Variants in DEPDC5 observed in about 807,000 individuals in gnomAD.
DEPDC5 encodes the protein DEP domain containing 5, GATOR1 subcomplex subunit, also known as GATOR1 complex protein DEPDC5.
In DEPDC5, 73 loss-of-function variants were observed where a neutral mutation model predicts 217.3. The ratio of observed to expected loss-of-function variants is 0.34; its 90% CI spans 0.28 to 0.41. The LOEUF is 0.41. Among genes scored for constraint, DEPDC5 ranks in the 10% least tolerant of loss-of-function variants. The probability of loss-of-function intolerance (pLI) is 1.00; values close to 1 mark genes in which losing one functional copy is unlikely to be tolerated. For missense variants in DEPDC5, 1,675 were observed against 2,070.1 expected (o/e 0.81, Z 3.70); for synonymous variants, 733 against 756.7 (o/e 0.97, Z 0.51).
intron 40 of DEPDC5, among the ~76,000 whole-genome samples, chr22:31,899,882 CCAGCCCTCCA>C (rs754424989): frequency 2.6e-5 from 4 of 152,120 alleles, no homozygotes; most frequent in African/African-American, 9.7e-5. Flanking sequence ...ACAGCCTTCC[CCAGCCCTCCA>C]CAGCCCTCCA....
intron 7 of DEPDC5, 82 bp downstream of exon 7, chr22:31,768,945 TA>T: frequency 6.6e-7 from 1 of 1,516,260 alleles, no homozygotes; most frequent in Non-Finnish European, 9.1e-7. Context: ...GTCCATATAA[TA>T]AAATGTGTAA....
chr22:31,791,216 T>C (rs1427180558), intron 10 of DEPDC5, among the ~76,000 whole-genome samples: 4 of 152,144 alleles, frequency 2.6e-5, no homozygotes, highest in Non-Finnish European at 4.4e-5. Flanking sequence ...TAAAGTCACA[T>C]AGTGGCAAGT....
rs561217900 is a variant in DEPDC5 at position 31,824,184 on chromosome 22, A to G, written c.2104+1394A>G. On this transcript the variant is annotated intron_variant, in intron 24 of 42. Transcript: ENST00000651528. ...AACGTGGTGAAACCCCATCTCTACT[A>G]AAAATACAAAAATTAGCCAGGTGTG... is the stretch of plus-strand genomic sequence containing the variant. Among the ~76,000 whole-genome samples, 3 of 152,190 alleles carry G rather than the reference A, an allele frequency of 2.0e-5. No individual in the cohort carries two copies. In the South Asian group the frequency reaches 6.2e-4, roughly 32 times the overall value.
chr22:31,868,331 C>G (rs142946018), intron 33 of DEPDC5, among the ~76,000 whole-genome samples: 2 of 152,254 alleles, frequency 1.3e-5, no homozygotes, highest in Admixed American at 1.3e-4. Context: ...TTCTGAACAT[C>G]CAGCAATGCA....
chr22:31,890,475 C>G (rs1455736923), intron 38 of DEPDC5: 2 of 151,952 alleles, frequency 1.3e-5, no homozygotes, highest in South Asian at 4.2e-4. Context: ...CTTCGGGGGC[C>G]GAGGTGGGCA....
intron 10 of DEPDC5, among the ~76,000 whole-genome samples, chr22:31,787,244 A>G (rs1291766906): frequency 3.3e-5 from 5 of 151,300 alleles, no homozygotes; most frequent in African/African-American, 1.2e-4. Context: ...TACCACACCT[A>G]GCTAATTTTT....
chr22:31,819,273 C>A, intron 22 of DEPDC5, 48 bp downstream of exon 22: 1 of 1,602,558 alleles, frequency 6.2e-7, no homozygotes, highest in Non-Finnish European at 8.5e-7. Flanking sequence ...GCTCCTAGCC[C>A]TGGTCCTCAG....
rs73162152 is a variant in DEPDC5, at chr22:31,796,628, T to C, written c.768-972T>C. On this transcript the variant is annotated intron_variant, in intron 12 of 42. Transcript: ENST00000651528. ...GCTTTCTATTTGTACAGCCAGTGTA[T>C]GCTCCAAAACCATTAAAGTAGAAGA... 6.1e-3 allele frequency among the ~76,000 whole-genome samples: 930 copies of C among 152,284 alleles called. 2 individuals carry two copies. The highest frequency in any genetic ancestry group is 9.9e-3 in the Non-Finnish European group (675 of 68,018).
chr22:31,878,587 C>G (rs2149285312), intron 37 of DEPDC5, among the ~76,000 whole-genome samples: 1 of 151,432 alleles, frequency 6.6e-6, no homozygotes, highest in East Asian at 1.9e-4. Context: ...GTTGTACATG[C>G]TGGTCTTCAC....
intron 21 of DEPDC5, 83 bp from the exon 22 acceptor site, chr22:31,818,939 C>G: frequency 7.1e-7 from 1 of 1,415,906 alleles, no homozygotes; most frequent in South Asian, 1.2e-5. Context: ...TCTTGTCAGC[C>G]TTGGTTTATC....
chr22:31,860,231 A>G (rs563700005), intron 32 of DEPDC5, among the ~76,000 whole-genome samples: 11 of 152,246 alleles, frequency 7.2e-5, no homozygotes, highest in Non-Finnish European at 2.9e-5. Flanking sequence ...GAAATGCCCA[A>G]CTGTTTCCCC....
At chr22:31,779,850 A>G (rs2084248514) in intron 8 of DEPDC5, among the ~76,000 whole-genome samples, 1 of 152,162 alleles carries the variant, frequency 6.6e-6, no homozygotes, top group Admixed American at 6.6e-5. Context: ...GAGCTGATAT[A>G]ATCACCTCCA....
rs1179323916 is a variant in DEPDC5, at chr22:31,897,652, T to C, written c.4374T>C (p.Asp1458=). The C allele has an allele frequency of 1.2e-6, 2 of 1,613,764 alleles. No individual in the cohort carries two copies. The highest frequency in any genetic ancestry group is 8.5e-7 in the Non-Finnish European group (1 of 1,179,922). ...LLKEGSEHLF[D]SFEPETYWDR... ...AGGAGGGCAGCGAGCACCTGTTTGA[T>C]AGTAAGAAATATTCCCTTCTGGAGG... Residue 1458 remains aspartate (D), a splice_region_variant and synonymous_variant, in exon 40 of 43, where the codon GAT becomes GAC. Transcript: ENST00000651528.
chr22:31,859,383 G>T (rs1181477563), intron 32 of DEPDC5, among the ~76,000 whole-genome samples: 1 of 143,790 alleles, frequency 7.0e-6, no homozygotes, highest in African/African-American at 2.6e-5. Flanking sequence ...GAGCCACTGC[G>T]CCCGGCTTTT....
chr22:31,826,773 A>G (rs137960726), intron 24 of DEPDC5, among the ~76,000 whole-genome samples: 237 of 152,252 alleles, frequency 1.6e-3, no homozygotes, highest in East Asian at 3.7e-3. Context: ...TCTCCACTCA[A>G]TGTTTAACAC....
intron 33 of DEPDC5, among the ~76,000 whole-genome samples, chr22:31,863,976 A>G (rs187029738): frequency 7.0e-4 from 107 of 152,294 alleles, no homozygotes; most frequent in African/African-American, 2.3e-3. Context: ...TTATACATAC[A>G]CAAAATTAAA....
chr22:31,820,072 A>C (rs1220054698), intron 22 of DEPDC5, among the ~76,000 whole-genome samples: 1 of 152,094 alleles, frequency 6.6e-6, no homozygotes, highest in Non-Finnish European at 1.5e-5. Flanking sequence ...ATGGGCTCTT[A>C]TTGAGCTGGA....
At chr22:31,755,810 G>A (rs1033219613) in intron 2 of DEPDC5, among the ~76,000 whole-genome samples, 4 of 151,728 alleles carry the variant, frequency 2.6e-5, no homozygotes, top group Non-Finnish European at 5.9e-5. Context: ...TGTCTTAACA[G>A]CATTATTTAC....
chr22:31,857,037 C>T (rs932810029), intron 31 of DEPDC5, among the ~76,000 whole-genome samples: 4 of 152,220 alleles, frequency 2.6e-5, no homozygotes, highest in African/African-American at 4.8e-5. Context: ...TACCAAAGTG[C>T]GGGGTTTACA....
Sources: gnomAD v4.1 joint callset for allele counts (sites outside exome capture counted in the v4.1 genomes callset) on GRCh38, gnomAD v4.1.1 for gene constraint, MANE v1.5 for transcripts, NCBI Gene and HGNC (gene_info 2026-07-23, HGNC 2026-07-21) for gene names.